The following COL17A1 variants were observed in gnomAD, a reference collection of about 807,000 sequenced individuals.
The protein encoded by COL17A1 is collagen alpha-1(XVII) chain.
COL17A1 carries 181 observed loss-of-function variants against 218.4 expected under a neutral mutation model. The ratio of observed to expected loss-of-function variants is 0.83; its 90% CI spans 0.73 to 0.94. COL17A1 has a LOEUF of 0.94. Ranked by LOEUF, COL17A1 falls within the 40% of genes least tolerant of loss-of-function variation. The probability of loss-of-function intolerance (pLI) is 0.00; values close to 1 mark genes in which losing one functional copy is unlikely to be tolerated. For synonymous variants in COL17A1, 721 were observed against 731.0 expected, an observed-to-expected ratio of 0.99 and a Z score of 0.22; for missense variants, 1,924 against 1,945.9, an observed-to-expected ratio of 0.99 and a Z score of 0.21.
chr10:104,056,003 G>A lies in COL17A1; in HGVS notation c.1466C>T (p.Ala489Val), dbSNP rs756182932. The A allele has an allele frequency of 6.8e-6, 11 of 1,613,968 alleles. No individual in the cohort carries two copies. The highest frequency in any genetic ancestry group is 1.6e-4 in the Middle Eastern group (1 of 6,084). Residue 489 changes from alanine (A) to valine (V), a missense_variant and splice_region_variant, in exon 18 of 56, where the codon GCG becomes GTG. Physicochemically the swap from Ala to Val is moderately conservative, Grantham distance 64. Transcript: ENST00000648076. Reference sequence around the variant, plus strand: ...CGCCTTCAGCTTCCTCACCTCCTCCGCTGCAACAAACAGACACACACTGCG... The same window carrying A: ...CGCCTTCAGCTTCCTCACCTCCTCCACTGCAACAAACAGACACACACTGCG... ...LGLLFGLIALAEEVRKLKARV... is the reference protein window; with the variant it reads ...LGLLFGLIALVEEVRKLKARV...
intron 17 of COL17A1, among the ~76,000 whole-genome samples, chr10:104,056,561 G>A (rs113916738): frequency 5.4e-5 from 8 of 148,742 alleles, no homozygotes; most frequent in South Asian, 2.2e-4. Context: ...CAGCCTGGGC[G>A]ACAGAACGAG....
intron 50 of COL17A1, 89 bp from the exon 51 acceptor site, chr10:104,034,856 C>T (rs1240033843): frequency 1.3e-6 from 2 of 1,527,384 alleles, no homozygotes; most frequent in South Asian, 1.2e-5. Context: ...GTGGGCCCCA[C>T]CTGAAAGGAG....
chr10:104,069,833 A>G (rs563050238), intron 9 of COL17A1, among the ~76,000 whole-genome samples: 2 of 152,244 alleles, frequency 1.3e-5, no homozygotes, highest in South Asian at 4.1e-4. Context: ...CAAGGTCCCT[A>G]TCAAGTGGTC....
intron 22 of COL17A1, 116 bp from the exon 23 acceptor site, chr10:104,053,251 G>A: frequency 1.7e-6 from 2 of 1,159,496 alleles, no homozygotes; most frequent in Non-Finnish European, 2.5e-6. Context: ...CTCCCTGCTT[G>A]CTTCTCTCCT....
At chr10:104,061,254 C>T in intron 13 of COL17A1, 151 bp downstream of exon 13, 2 of 682,390 alleles carry the variant, frequency 2.9e-6, no homozygotes, top group South Asian at 3.7e-5. Context: ...GCCTTTGGGG[C>T]AAGTTGCGTT....
At chr10:104,052,717 C>T (rs908389253) in intron 23 of COL17A1, among the ~76,000 whole-genome samples, 1 of 152,178 alleles carries the variant, frequency 6.6e-6, no homozygotes, top group East Asian at 1.9e-4. Flanking sequence ...CTGCCCTGCC[C>T]TGCCCCCTGA....
chr10:104,052,318 G>T, intron 23 of COL17A1, 101 bp from the exon 24 acceptor site: 1 of 1,504,710 alleles, frequency 6.6e-7, no homozygotes, highest in Non-Finnish European at 9.2e-7. Context: ...CACCCTGCTA[G>T]TGGTCTTGGA....
At chr10:104,066,193 G>A (rs2086624623) in intron 9 of COL17A1, among the ~76,000 whole-genome samples, 1 of 152,192 alleles carries the variant, frequency 6.6e-6, no homozygotes, top group Non-Finnish European at 1.5e-5. Context: ...GGATTGCAAT[G>A]CATTGTGGGC....
intron 47 of COL17A1, 83 bp from the exon 48 acceptor site, chr10:104,036,715 T>A (rs1335711067): frequency 3.9e-6 from 6 of 1,527,664 alleles, no homozygotes; most frequent in Non-Finnish European, 5.4e-6. Flanking sequence ...TGGGCTCCCC[T>A]GCACAAACTG....
chr10:104,039,836 C>T, intron 41 of COL17A1, 137 bp downstream of exon 41: 1 of 1,328,418 alleles, frequency 7.5e-7, no homozygotes, highest in East Asian at 2.3e-5. Flanking sequence ...CACACTCAAC[C>T]ATTCCTAGAG....
rs990473642 is a variant in COL17A1, at chr10:104,053,034, T to C, written c.1936A>G (p.Arg646Gly). 15 of 1,613,990 alleles carry C rather than the reference T, an allele frequency of 9.3e-6. No individual in the cohort carries two copies. Among genetic ancestry groups the C allele is most frequent in the African/African-American group, 1.3e-5 (1 of 74,916 alleles). ...CGGTGAAGGAATTGCCTCTTACCTC[T>C]TTCCCCTTTCTCTCCAGATCCAGGA... ...GPPGSGEKGE[R>G]GAAGEPGPHG... Residue 646 changes from arginine (R) to glycine (G), a missense_variant, in exon 23 of 56, where the codon AGA becomes GGA. Transcript: ENST00000648076.
Position 104,050,696 on chromosome 10 carries a change from A to G in COL17A1, c.2093-40T>C, listed in dbSNP as rs373088607. On this transcript the variant is annotated intron_variant, in intron 26 of 55. Transcript: ENST00000648076. ...GACACCTTGGTGTAAAATGCCCTACAAGGGACAACCAGGAAGGGGCAATGT... is the reference window on the plus strand; with the variant it reads ...GACACCTTGGTGTAAAATGCCCTACGAGGGACAACCAGGAAGGGGCAATGT... The G allele has an allele frequency of 4.3e-6, 7 of 1,614,022 alleles. No individual in the cohort carries two copies. The African/African-American group carries it at 6.7e-5, about 15-fold the overall frequency.
Position 104,053,216 on chromosome 10 carries a change from C to T in COL17A1, c.1835-81G>A, listed in dbSNP as rs1253651440. The T allele has an allele frequency of 2.0e-5, 30 of 1,522,928 alleles. No individual in the cohort carries two copies. The East Asian group carries it at 2.5e-4, about 13-fold the overall frequency. 94.3% of individuals were successfully genotyped at this position (1,522,928 alleles called of 1,614,324 possible). A position where few individuals can be genotyped will look rare whatever the true frequency, so the allele number is the denominator to read the frequency against. On this transcript the variant is annotated intron_variant, in intron 22 of 55. Coordinates refer to ENST00000648076, the MANE Select transcript of COL17A1 (RefSeq NM_000494.4). Reference sequence around the variant, plus strand: ...TCCACAGGCAGCCTCCCACGGCAGACGCTTGCCTGGAGCCCTTCCCTGGCC... The same window carrying T: ...TCCACAGGCAGCCTCCCACGGCAGATGCTTGCCTGGAGCCCTTCCCTGGCC...
intron 23 of COL17A1, 86 bp downstream of exon 23, chr10:104,052,945 A>C (rs2086484583): frequency 1.4e-6 from 2 of 1,481,320 alleles, no homozygotes; most frequent in Non-Finnish European, 1.9e-6. Context: ...GGAGAAACAG[A>C]GACAGAGTGA....
intron 11 of COL17A1, among the ~76,000 whole-genome samples, chr10:104,063,121 T>A (rs540410382): frequency 2.6e-5 from 4 of 152,278 alleles, no homozygotes; most frequent in African/African-American, 9.6e-5. Context: ...GTCAAGTAAA[T>A]AAACAAGGCC....
chr10:104,033,447 C>T (rs1844718261), intron 52 of COL17A1, 72 bp from the exon 53 acceptor site: 1 of 1,552,722 alleles, frequency 6.4e-7, no homozygotes. Context: ...AGCACAGTGC[C>T]CTCCGAGTGT....
chr10:104,037,500 T>A (rs1390451368), intron 46 of COL17A1, 136 bp downstream of exon 46: 2 of 1,197,234 alleles, frequency 1.7e-6, no homozygotes, highest in East Asian at 2.3e-5. Flanking sequence ...AGTGGCCCGA[T>A]TATTATGAAT....
At chr10:104,078,454 A>G in intron 3 of COL17A1, 88 bp downstream of exon 3, 1 of 1,571,176 alleles carries the variant, frequency 6.4e-7, no homozygotes, top group Non-Finnish European at 8.7e-7. Flanking sequence ...GATGTCAAAA[A>G]TTTTGGAGCT....
At chr10:104,056,321 G>T (rs2086525261) in intron 17 of COL17A1, among the ~76,000 whole-genome samples, 1 of 152,174 alleles carries the variant, frequency 6.6e-6, no homozygotes, top group African/African-American at 2.4e-5. Context: ...GGTGGCTCAA[G>T]CCTGTAATCC....
Sources: gnomAD v4.1 joint callset for allele counts (sites outside exome capture counted in the v4.1 genomes callset) on GRCh38, gnomAD v4.1.1 for gene constraint, MANE v1.5 for transcripts, NCBI Gene and HGNC (gene_info 2026-07-23, HGNC 2026-07-21) for gene names.